Variants in IL17B observed in about 807,000 individuals in gnomAD.
IL17B encodes the protein interleukin-17B.
A neutral mutation model predicts 14.7 loss-of-function variants in IL17B; 14 were observed. The observed-to-expected ratio is 0.95, with a 90% CI of 0.63 to 1.49. IL17B has a LOEUF of 1.49. Ranked by LOEUF, IL17B falls within the 40% of genes most tolerant of loss-of-function variation. The pLI is 0.00. For synonymous variants in IL17B, 105 were observed against 94.8 expected, an observed-to-expected ratio of 1.11 and a Z score of -0.62; for missense variants, 233 against 252.8, an observed-to-expected ratio of 0.92 and a Z score of 0.53.
intron 1 of IL17B, among the ~76,000 whole-genome samples, chr5:149,389,150 C>A (rs555427589): frequency 6.6e-6 from 1 of 152,206 alleles, no homozygotes; most frequent in Non-Finnish European, 1.5e-5. Context: ...AGTTTAATTT[C>A]TTTGAAGAGT....
chr5:149,400,993 C>T (rs1269381324), intron 1 of IL17B, among the ~76,000 whole-genome samples: 4 of 152,204 alleles, frequency 2.6e-5, no homozygotes, highest in Non-Finnish European at 5.9e-5. Context: ...CATTGAAAAG[C>T]CAATCTCTTC....
intron 1 of IL17B, among the ~76,000 whole-genome samples, chr5:149,387,598 C>T (rs116979639): frequency 1.9e-3 from 295 of 151,706 alleles, no homozygotes; most frequent in East Asian, 5.8e-3. Context: ...GCGAGATCCT[C>T]GTCTCTACAA....
upstream of IL17B, chr5:149,379,350 G>T (rs1322398895): frequency 8.8e-7 from 1 of 1,135,372 alleles, no homozygotes; most frequent in Admixed American, 2.2e-5. Context: ...CTGGGGGAGT[G>T]AGTGGGTGGG....
At position 149,374,438 on chromosome 5, in the gene IL17B, G is replaced by A. The variant is rs755991452; in HGVS notation, c.474C>T (p.Pro158=). 6 of 1,609,688 alleles carry A rather than the reference G, an allele frequency of 3.7e-6. No homozygotes were observed. In the African/African-American group the frequency reaches 6.7e-5, roughly 18 times the overall value. The change falls in exon 3 of 3, where the codon CCC becomes CCT. Residue 158 remains proline (P), a synonymous_variant. Transcript: ENST00000261796. The surrounding 1 kb of genome is among the most constrained non-coding windows in gnomAD (Gnocchi z 5.0). Reference sequence around the variant, plus strand: ...CGCGCTGGCGGCAAGGCCCTGTGCGGGGCGGTGGCGGGCAGAGGCGGCGGC... The same window carrying A: ...CGCGCTGGCGGCAAGGCCCTGTGCGAGGCGGTGGCGGGCAGAGGCGGCGGC... ...PVRRRLCPPP[P]RTGPCRQRAV... is the part of the protein sequence containing the mutation.
exon 1 of IL17B, chr5:149,404,143 T>A (rs1561721041): frequency 6.6e-6 from 1 of 152,144 alleles, no homozygotes; most frequent in Non-Finnish European, 1.5e-5. Context: ...TCTCTAGGAA[T>A]GGAGGGATTT....
Position 149,374,505 on chromosome 5 carries a change from C to G in IL17B, c.407G>C (p.Arg136Pro). ...GAACACCGGCACGCTCACCATGCTG[C>G]GGTCCTCCTGCATGGTGAAGGGGTT... The part of the protein sequence containing the change: ...CVNPFTMQED[R>P]SMVSVPVFSQ... Residue 136 changes from arginine (R) to proline (P), a missense_variant, in exon 3 of 3, where the codon CGC becomes CCC. Coordinates refer to ENST00000261796, the MANE Select transcript of IL17B (RefSeq NM_014443.3). The surrounding 1 kb of genome is among the most constrained non-coding windows in gnomAD (Gnocchi z 5.0). The G allele has an allele frequency of 6.2e-7, 1 of 1,613,214 alleles. No homozygotes were observed. Among genetic ancestry groups the G allele is most frequent in the Non-Finnish European group, 8.5e-7 (1 of 1,179,990 alleles).
At position 149,375,597 on chromosome 5, in the gene IL17B, AT is replaced by A. The variant is rs149256506; in HGVS notation, c.312-998del. On this transcript the variant is annotated intron_variant, in intron 2 of 2. Coordinates refer to ENST00000261796, the MANE Select transcript of IL17B (RefSeq NM_014443.3). ...AGTAGCCACTAGCTTCATGTGTCAAATTAATCGGGCTGAGCATGGTGGCTTA... is the reference window on the plus strand; with the variant it reads ...AGTAGCCACTAGCTTCATGTGTCAAATAATCGGGCTGAGCATGGTGGCTTA... Among the ~76,000 whole-genome samples, 742 of 152,342 alleles carry A rather than the reference AT, an allele frequency of 4.9e-3. 5 individuals carry two copies. The highest frequency in any genetic ancestry group is 0.017 in the African/African-American group (702 of 41,586).
intron 1 of IL17B, among the ~76,000 whole-genome samples, chr5:149,384,699 G>A (rs1333891090): frequency 1.3e-5 from 2 of 152,150 alleles, no homozygotes; most frequent in Non-Finnish European, 2.9e-5. Context: ...TGTATGCATT[G>A]TCCTTAGTTC....
chr5:149,374,321 C>A lies in IL17B; in HGVS notation c.*48G>T, dbSNP rs751326386. On this transcript the variant is annotated 3_prime_UTR_variant, in exon 3 of 3. Coordinates refer to ENST00000261796, the MANE Select transcript of IL17B (RefSeq NM_014443.3). The surrounding 1 kb of genome is among the most constrained non-coding windows in gnomAD (Gnocchi z 5.0). ...ATAGGCCTTTCTTGGCACAAAGGTG[C>A]AAGGAGGATGGTCTCGGGCTGCTGG... The A allele has an allele frequency of 6.7e-7, 1 of 1,488,504 alleles. No individual in the cohort carries two copies. Among genetic ancestry groups the A allele is most frequent in the South Asian group, 1.3e-5 (1 of 79,038 alleles). 92.2% of individuals were successfully genotyped at this position (1,488,504 alleles called of 1,614,324 possible).
At chr5:149,385,625 G>A (rs1003333747) in intron 1 of IL17B, among the ~76,000 whole-genome samples, 1 of 152,252 alleles carries the variant, frequency 6.6e-6, no homozygotes, top group Admixed American at 6.5e-5. Flanking sequence ...GGCAGACAGA[G>A]GCGCCAGGCC....
intron 1 of IL17B, among the ~76,000 whole-genome samples, chr5:149,389,863 G>A (rs956307684): frequency 3.9e-5 from 6 of 152,136 alleles, no homozygotes; most frequent in African/African-American, 9.7e-5. Context: ...TTTGTTTAAC[G>A]GTCCTGGGTG....
intron 1 of IL17B, among the ~76,000 whole-genome samples, chr5:149,399,700 G>T (rs1273391742): frequency 1.3e-5 from 2 of 152,160 alleles, no homozygotes; most frequent in African/African-American, 4.8e-5. Context: ...GTCACCCTGT[G>T]AGTTAATAAT....
Position 149,374,750 on chromosome 5 carries a change from A to T in IL17B, c.312-150T>A. 6.6e-6 allele frequency: 4 copies of T among 607,470 alleles called. No homozygotes were observed. The highest frequency in any genetic ancestry group is 1.1e-5 in the Non-Finnish European group (4 of 352,598). The allele number at this position is 607,470 out of a possible 1,614,324, so 37.6% of individuals were successfully genotyped here. ...TGGAGGAAAGGCAGTAATCAACTCC[A>T]TGTTCCACGTGAGGAAACTGAAGAT... On this transcript the variant is annotated intron_variant, in intron 2 of 2. Coordinates refer to ENST00000261796, the MANE Select transcript of IL17B (RefSeq NM_014443.3). This position sits in a 1 kb window ranked among gnomAD's most constrained non-coding sequence, Gnocchi z 5.0.
intron 1 of IL17B, among the ~76,000 whole-genome samples, chr5:149,390,063 G>A (rs2127620709): frequency 6.6e-6 from 1 of 152,252 alleles, no homozygotes. Flanking sequence ...GCTCCCAGTT[G>A]GAAATCATTT....
rs571019328 is a variant in IL17B, at chr5:149,385,673, G to A, written n.96-8648C>T. On this transcript the variant is annotated intron_variant and non_coding_transcript_variant, in intron 1 of 2. Coordinates refer to the IL17B transcript ENST00000505432. ...GAGTGTCCTCCCCTCAGTCCCGGGG[G>A]ATGTTTATCCTCTGCTCAGAGTTTA... is the stretch of plus-strand genomic sequence containing the variant. Among the ~76,000 whole-genome samples, 58 of 152,368 alleles carry A rather than the reference G, an allele frequency of 3.8e-4. 1 individual carries two copies. In the South Asian group the frequency reaches 0.01, roughly 27 times the overall value.
chr5:149,403,053 T>C (rs1462120303), intron 1 of IL17B, among the ~76,000 whole-genome samples: 2 of 136,554 alleles, frequency 1.5e-5, no homozygotes, highest in Non-Finnish European at 3.1e-5. Flanking sequence ...GACAGTTTTT[T>C]GTTTGTTTTG....
upstream of IL17B, among the ~76,000 whole-genome samples, chr5:149,382,108 G>A (rs762386062): frequency 2.0e-5 from 3 of 152,224 alleles, no homozygotes; most frequent in Non-Finnish European, 2.9e-5. Context: ...TACTGACCCT[G>A]AGGGAACTTG....
At chr5:149,394,480 G>T (rs1024965255) in intron 1 of IL17B, among the ~76,000 whole-genome samples, 1 of 152,166 alleles carries the variant, frequency 6.6e-6, no homozygotes, top group Non-Finnish European at 1.5e-5. Context: ...TTACATACAC[G>T]CATTATGCTT....
At position 149,379,284 on chromosome 5, in the gene IL17B, C is replaced by T; in HGVS notation, c.-59G>A. 8 of 1,608,094 alleles carry T rather than the reference C, an allele frequency of 5.0e-6. No homozygotes were observed. The highest frequency in any genetic ancestry group is 2.2e-5 in the East Asian group (1 of 44,816). ...GCCCGCCTGGAACCCCAGATGCCGC[C>T]GAGAGAATGGCAGCAACAGGATGGA... On this transcript the variant is annotated 5_prime_UTR_variant, in exon 1 of 3. Coordinates refer to ENST00000261796, the MANE Select transcript of IL17B (RefSeq NM_014443.3).
Sources: allele counts gnomAD v4.1 joint callset (sites outside exome capture counted in the v4.1 genomes callset), GRCh38; gene constraint gnomAD v4.1.1; non-coding constraint Gnocchi (gnomAD v3.1); transcripts MANE v1.5; gene names NCBI Gene and HGNC (gene_info 2026-07-23, HGNC 2026-07-21).